The following NUFIP2 variants were observed in gnomAD, a reference collection of about 807,000 sequenced individuals.
NUFIP2 encodes the protein nuclear FMR1 interacting protein 2, also known as FMR1-interacting protein NUFIP2.
A neutral mutation model predicts 56.9 loss-of-function variants in NUFIP2; 6 were observed. The observed-to-expected ratio is 0.11, with a 90% CI of 0.06 to 0.21. NUFIP2 has a LOEUF of 0.21. Among genes scored for constraint, NUFIP2 ranks in the 10% least tolerant of loss-of-function variants. NUFIP2 has a pLI of 1.00. For missense variants in NUFIP2, 828 were observed against 826.8 expected (o/e 1.00, Z -0.02); for synonymous variants, 321 against 298.2 (o/e 1.08, Z -0.79).
chr17:29,287,755 C>A, intron 1 of NUFIP2, 39 bp from the exon 2 acceptor site: 3 of 1,512,230 alleles, frequency 2.0e-6, no homozygotes, highest in Non-Finnish European at 2.7e-6. Flanking sequence ...AAAAAAATCA[C>A]AACATGTAAA....
chr17:29,258,628 GTAC>G lies in NUFIP2; in HGVS notation c.*5908_*5910del. The stretch of plus-strand genomic sequence containing the variant: ...TAGAAGACATTTAAGGCCAAAAAGT[GTAC>G]TATTAACAGAATTCTTATATTCCTA... On this transcript the variant is annotated 3_prime_UTR_variant, in exon 4 of 4. Coordinates refer to ENST00000225388, the MANE Select transcript of NUFIP2 (RefSeq NM_020772.3). 6.6e-6 allele frequency: 1 copy of G among 152,264 alleles called. No homozygotes were observed. The highest frequency in any genetic ancestry group is 6.5e-5 in the Admixed American group (1 of 15,296). The allele number at this position is 152,264 out of a possible 1,614,324, so 9.4% of individuals were successfully genotyped here.
chr17:29,274,063 C>T (rs945184816), intron 2 of NUFIP2, among the ~76,000 whole-genome samples: 40 of 152,106 alleles, frequency 2.6e-4, no homozygotes, highest in Admixed American at 2.6e-3. Flanking sequence ...AGCAACTTCA[C>T]TGGGAGGGTG....
rs2068974480 is a variant in NUFIP2, at chr17:29,256,892, A to G, written c.*7647T>C. ...GTGCTTTGATCTTACAAACAACTGA[A>G]TAATTCTAATCTCAAGCCAGTCAAT... On this transcript the variant is annotated 3_prime_UTR_variant, in exon 4 of 4. Transcript: ENST00000225388. 6.6e-6 allele frequency: 1 copy of G among 152,244 alleles called. No individual in the cohort carries two copies. The highest frequency in any genetic ancestry group is 2.1e-4 in the South Asian group (1 of 4,838). 9.4% of individuals were successfully genotyped at this position (152,244 alleles called of 1,614,324 possible). A position where few individuals can be genotyped will look rare whatever the true frequency, so the allele number is the denominator to read the frequency against.
chr17:29,272,690 G>A (rs2069082375), intron 2 of NUFIP2, among the ~76,000 whole-genome samples: 1 of 152,142 alleles, frequency 6.6e-6, no homozygotes, highest in Non-Finnish European at 1.5e-5. Flanking sequence ...GGGACCAGAA[G>A]TGTTTTAGAT....
At chr17:29,276,518 G>A (rs564742422) in intron 2 of NUFIP2, among the ~76,000 whole-genome samples, 76 of 152,038 alleles carry the variant, frequency 5.0e-4, no homozygotes, top group Admixed American at 1.2e-3. Flanking sequence ...TATTGTTTTA[G>A]GAGAGATGGG....
Position 29,260,963 on chromosome 17 carries a change from T to C in NUFIP2, c.*3576A>G, listed in dbSNP as rs1352373532. ...AGGAAGGGCTGGCTACCACAGACGC[T>C]GTAAATACACTTTATGTGAAGGTTC... On this transcript the variant is annotated 3_prime_UTR_variant, in exon 4 of 4. Coordinates refer to ENST00000225388, the MANE Select transcript of NUFIP2 (RefSeq NM_020772.3). 1 of 152,174 alleles carries C rather than the reference T, an allele frequency of 6.6e-6. No homozygotes were observed. Among genetic ancestry groups the C allele is most frequent in the Non-Finnish European group, 1.5e-5 (1 of 68,022 alleles). 9.4% of individuals were successfully genotyped at this position (152,174 alleles called of 1,614,324 possible).
intron 2 of NUFIP2, among the ~76,000 whole-genome samples, chr17:29,277,183 C>T (rs1263788548): frequency 1.3e-5 from 2 of 152,096 alleles, no homozygotes; most frequent in Non-Finnish European, 2.9e-5. Context: ...TGCCACCATG[C>T]CCGGCTCATT....
At chr17:29,283,227 A>G (rs1381904617) in intron 2 of NUFIP2, among the ~76,000 whole-genome samples, 3 of 152,270 alleles carry the variant, frequency 2.0e-5, no homozygotes, top group South Asian at 4.1e-4. Flanking sequence ...GAAAATGCAT[A>G]AAGAGTAAAT....
chr17:29,273,096 A>G (rs1484399465), intron 2 of NUFIP2, among the ~76,000 whole-genome samples: 1 of 151,012 alleles, frequency 6.6e-6, no homozygotes, highest in African/African-American at 2.4e-5. Flanking sequence ...CTGGAGTGCA[A>G]TGGTGAGATC....
chr17:29,273,491 CTCT>C (rs1361015283), intron 2 of NUFIP2, among the ~76,000 whole-genome samples: 1 of 148,784 alleles, frequency 6.7e-6, no homozygotes, highest in Non-Finnish European at 1.5e-5. Context: ...TAACACTGCT[CTCT>C]TCTACACACA....
Position 29,293,978 on chromosome 17 carries a change from G to GCGGCTGCTT in NUFIP2, c.81_82insAAGCAGCCG (p.Gln27_Gln28insLysGlnPro). The GCGGCTGCTT allele has an allele frequency of 6.2e-7, 1 of 1,612,836 alleles. No individual in the cohort carries two copies. The highest frequency in any genetic ancestry group is 8.5e-7 in the Non-Finnish European group (1 of 1,178,974). The stretch of plus-strand genomic sequence containing the variant: ...TAATGGTGGTGGTGGTGCGGCTGCT[G>GCGGCTGCTT]CTGCTGCTGCTGAGGGTGATGGTGC... On this transcript the variant is annotated inframe_insertion, in exon 1 of 4. Transcript: ENST00000225388.
chr17:29,255,868 T>C lies in NUFIP2; in HGVS notation c.*8671A>G, dbSNP rs1288159818. On this transcript the variant is annotated 3_prime_UTR_variant, in exon 4 of 4. Coordinates refer to ENST00000225388, the MANE Select transcript of NUFIP2 (RefSeq NM_020772.3). ...CTTTAAAATTTTTTATTCAACAATG[T>C]ACACTTATTGTCTCTCAATTTGATC... 1 of 152,246 alleles carries C rather than the reference T, an allele frequency of 6.6e-6. No individual in the cohort carries two copies. Among genetic ancestry groups the C allele is most frequent in the Non-Finnish European group, 1.5e-5 (1 of 68,038 alleles). The allele number at this position is 152,246 out of a possible 1,614,324, so 9.4% of individuals were successfully genotyped here. A position where few individuals can be genotyped will look rare whatever the true frequency, so the allele number is the denominator to read the frequency against.
At chr17:29,288,113 C>G (rs774291464) in intron 1 of NUFIP2, among the ~76,000 whole-genome samples, 4 of 152,210 alleles carry the variant, frequency 2.6e-5, no homozygotes, top group Non-Finnish European at 4.4e-5. Flanking sequence ...GCGCTATCTC[C>G]GCTCACTGTA....
At chr17:29,290,446 G>C (rs950305249) in intron 1 of NUFIP2, among the ~76,000 whole-genome samples, 6 of 151,666 alleles carry the variant, frequency 4.0e-5, no homozygotes, top group Non-Finnish European at 7.4e-5. Context: ...CTTGAGGTCA[G>C]GAGTTTGAGA....
intron 3 of NUFIP2, among the ~76,000 whole-genome samples, chr17:29,265,980 CT>C (rs903506867): frequency 6.6e-6 from 1 of 151,962 alleles, no homozygotes; most frequent in Non-Finnish European, 1.5e-5. Context: ...TTTTCTTTTC[CT>C]TTTTTTCAGA....
At chr17:29,270,203 G>A (rs770340659) in intron 2 of NUFIP2, among the ~76,000 whole-genome samples, 1 of 151,572 alleles carries the variant, frequency 6.6e-6, no homozygotes, top group Non-Finnish European at 1.5e-5. Flanking sequence ...AATTGTCCAA[G>A]CTTAGTTGTA....
Position 29,281,278 on chromosome 17 carries a change from C to T in NUFIP2, c.2002+4714G>A, listed in dbSNP as rs147430599. Among the ~76,000 whole-genome samples, 788 of 151,984 alleles carry T rather than the reference C, an allele frequency of 5.2e-3. 7 individuals are homozygous for T. The highest frequency in any genetic ancestry group is 0.01 in the Middle Eastern group (3 of 294). On this transcript the variant is annotated intron_variant, in intron 2 of 3. Transcript: ENST00000225388. ...CGGAGGTTGCAGTGAGCCGAGATCA[C>T]GCCACTGCACGCCAGCCAGGGCGAC...
chr17:29,281,689 TA>T (rs58675184), intron 2 of NUFIP2, among the ~76,000 whole-genome samples: 14,916 of 110,370 alleles, frequency 0.14, 1,333 homozygotes, highest in East Asian at 0.32. Flanking sequence ...CCTGTCTCTT[TA>T]AAAAAAAAAA....
At chr17:29,280,224 T>G (rs966948635) in intron 2 of NUFIP2, among the ~76,000 whole-genome samples, 3 of 152,260 alleles carry the variant, frequency 2.0e-5, no homozygotes, top group African/African-American at 7.2e-5. Context: ...AAATTGGCAC[T>G]GTGACCAAAC....
Sources: gnomAD v4.1 joint callset for allele counts (sites outside exome capture counted in the v4.1 genomes callset) on GRCh38, gnomAD v4.1.1 for gene constraint, MANE v1.5 for transcripts, NCBI Gene and HGNC (gene_info 2026-07-23, HGNC 2026-07-21) for gene names.